PTPRO: variants seen among roughly 807,000 people sequenced by gnomAD.
The protein encoded by PTPRO is receptor-type tyrosine-protein phosphatase O.
PTPRO carries 62 observed loss-of-function variants against 145.2 expected under a neutral mutation model. The ratio of observed to expected loss-of-function variants is 0.43; its 90% CI spans 0.35 to 0.53. The LOEUF (loss-of-function observed/expected upper bound fraction) is 0.53. Ranked by LOEUF, PTPRO falls within the 20% of genes least tolerant of loss-of-function variation. The probability of loss-of-function intolerance (pLI) is 0.01; values close to 1 mark genes in which losing one functional copy is unlikely to be tolerated. For missense variants in PTPRO, 1,345 were observed against 1,482.7 expected (o/e 0.91, Z 1.53); for synonymous variants, 565 against 514.7 (o/e 1.10, Z -1.32).
At chr12:15,501,542 C>T in intron 4 of PTPRO, 78 bp from the exon 5 acceptor site, 1 of 1,308,444 alleles carries the variant, frequency 7.6e-7, no homozygotes, top group East Asian at 2.4e-5. Context: ...TGCTTGTGTA[C>T]CTGACTCATT....
At chr12:15,565,915 T>C (rs1943886887) in intron 18 of PTPRO, among the ~76,000 whole-genome samples, 1 of 152,174 alleles carries the variant, frequency 6.6e-6, no homozygotes, top group Non-Finnish European at 1.5e-5. Flanking sequence ...GGAAGTATGG[T>C]ATTCTAAATA....
chr12:15,421,184 A>G (rs1022045586), intron 1 of PTPRO, among the ~76,000 whole-genome samples: 1 of 152,204 alleles, frequency 6.6e-6, no homozygotes, highest in South Asian at 2.1e-4. Context: ...ACATAGAACC[A>G]CAGTTCCTTT....
chr12:15,365,297 G>T (rs1938327953), intron 1 of PTPRO, among the ~76,000 whole-genome samples: 1 of 152,066 alleles, frequency 6.6e-6, no homozygotes, highest in African/African-American at 2.4e-5. Context: ...GTATGTAAGT[G>T]AGACTCAAAC....
rs747135922 is a variant in PTPRO at position 15,322,821 on chromosome 12, CCT to C, written c.75+21_75+22del. On this transcript the variant is annotated intron_variant, in intron 1 of 26. Coordinates refer to ENST00000281171, the MANE Select transcript of PTPRO (RefSeq NM_030667.3). The surrounding 1 kb of genome is among the most constrained non-coding windows in gnomAD (Gnocchi z 6.3). ...TTCAAGGTAGGGGAGCTCCTCCACC[CCT>C]TTTTCCCAGCGGTCCGGGCGGCAGC... 4 of 1,608,602 alleles carry C rather than the reference CCT, an allele frequency of 2.5e-6. No homozygotes were observed. The highest frequency in any genetic ancestry group is 2.5e-6 in the Non-Finnish European group (3 of 1,177,912).
intron 12 of PTPRO, among the ~76,000 whole-genome samples, chr12:15,537,993 G>A (rs1018175630): frequency 2.0e-5 from 3 of 152,080 alleles, no homozygotes; most frequent in Non-Finnish European, 4.4e-5. Context: ...ATGTTCTTTA[G>A]GTTTGCAGGG....
intron 1 of PTPRO, among the ~76,000 whole-genome samples, chr12:15,349,270 TG>T (rs1367765202): frequency 2.6e-5 from 4 of 152,184 alleles, no homozygotes; most frequent in Non-Finnish European, 5.9e-5. Context: ...ATTGGCTAGA[TG>T]GGGGTACGAT....
chr12:15,570,357 T>A (rs978217621), intron 19 of PTPRO, among the ~76,000 whole-genome samples: 1 of 152,122 alleles, frequency 6.6e-6, no homozygotes, highest in African/African-American at 2.4e-5. Flanking sequence ...AAGTGCTCTT[T>A]TCTATTAAGG....
At chr12:15,526,285 G>A (rs745988960) in intron 12 of PTPRO, 23 bp downstream of exon 12, 14 of 1,612,632 alleles carry the variant, frequency 8.7e-6, no homozygotes, top group Non-Finnish European at 1.2e-5. Flanking sequence ...CACAGAGATG[G>A]GTGTGAAATA....
chr12:15,471,630 G>A (rs1233562330), intron 1 of PTPRO, among the ~76,000 whole-genome samples: 2 of 152,074 alleles, frequency 1.3e-5, no homozygotes, highest in Non-Finnish European at 2.9e-5. Flanking sequence ...TATCATCATT[G>A]CTATTATTAT....
chr12:15,506,158 T>A (rs1565670854), intron 6 of PTPRO, among the ~76,000 whole-genome samples: 3 of 152,196 alleles, frequency 2.0e-5, no homozygotes, highest in Non-Finnish European at 2.9e-5. Flanking sequence ...TTTGTTTTGC[T>A]TACTCCAACC....
chr12:15,542,902 A>G (rs1017823735), intron 12 of PTPRO, among the ~76,000 whole-genome samples: 23 of 152,186 alleles, frequency 1.5e-4, no homozygotes, highest in Non-Finnish European at 7.3e-5. Flanking sequence ...TCACATTCCG[A>G]TTCTTACATT....
chr12:15,541,652 A>G (rs1404906617), intron 12 of PTPRO, among the ~76,000 whole-genome samples: 5 of 152,308 alleles, frequency 3.3e-5, no homozygotes, highest in African/African-American at 7.2e-5. Context: ...TCTTCCTATA[A>G]GGACACCAGT....
In PTPRO at chr12:15,484,292, C is replaced by T. The variant is rs367642100; in HGVS notation, c.349+45C>T. 3.1e-5 allele frequency: 50 copies of T among 1,607,068 alleles called. 1 individual carries two copies. The African/African-American group carries it at 5.3e-4, about 17-fold the overall frequency. The stretch of plus-strand genomic sequence containing the variant: ...TTGTCCCGTTTCTTCTTATTGTTCC[C>T]CTGTTTCTTCCCGTAGGGCTCGAAT... On this transcript the variant is annotated intron_variant, in intron 2 of 26. Coordinates refer to ENST00000281171, the MANE Select transcript of PTPRO (RefSeq NM_030667.3).
intron 11 of PTPRO, among the ~76,000 whole-genome samples, chr12:15,525,770 C>T (rs926066551): frequency 4.6e-5 from 7 of 152,168 alleles, no homozygotes; most frequent in Admixed American, 3.9e-4. Flanking sequence ...GGAAGCCACA[C>T]GTCTACAGAT....
intron 1 of PTPRO, among the ~76,000 whole-genome samples, chr12:15,450,206 T>C (rs1420269450): frequency 6.6e-5 from 10 of 152,222 alleles, no homozygotes; most frequent in Admixed American, 6.5e-4. Context: ...CCCTCTAAAA[T>C]TGAATGAATT....
intron 1 of PTPRO, among the ~76,000 whole-genome samples, chr12:15,347,928 T>C (rs539130774): frequency 1.3e-5 from 2 of 152,300 alleles, no homozygotes; most frequent in African/African-American, 4.8e-5. Flanking sequence ...TAGTCTAATA[T>C]ACTTAAAAGA....
At chr12:15,415,882 T>C in intron 1 of PTPRO, among the ~76,000 whole-genome samples, 1 of 151,762 alleles carries the variant, frequency 6.6e-6, no homozygotes, top group East Asian at 1.9e-4. Flanking sequence ...TGCTACAGAA[T>C]GCCAAAATTA....
At chr12:15,504,209 C>G in intron 6 of PTPRO, 140 bp downstream of exon 6, 2 of 942,620 alleles carry the variant, frequency 2.1e-6, no homozygotes, top group Non-Finnish European at 3.2e-6. Flanking sequence ...GGCTGAGATC[C>G]ACAAGCTTTG....
chr12:15,352,456 T>C (rs959864612), intron 1 of PTPRO, among the ~76,000 whole-genome samples: 41 of 152,022 alleles, frequency 2.7e-4, no homozygotes, highest in African/African-American at 7.0e-4. Flanking sequence ...CTAGACCATC[T>C]TGGCTAACAC....
Sources: gnomAD v4.1 joint callset for allele counts (sites outside exome capture counted in the v4.1 genomes callset) on GRCh38, gnomAD v4.1.1 for gene constraint, Gnocchi (gnomAD v3.1) non-coding constraint, MANE v1.5 for transcripts, NCBI Gene and HGNC (gene_info 2026-07-23, HGNC 2026-07-21) for gene names.